ALCAM: variants seen among roughly 807,000 people sequenced by gnomAD.
The protein encoded by ALCAM is CD166 antigen.
A neutral mutation model predicts 70.9 loss-of-function variants in ALCAM; 30 were observed. The observed-to-expected ratio is 0.42, with a 90% CI of 0.32 to 0.57. The LOEUF (loss-of-function observed/expected upper bound fraction) is 0.57, where lower values mean the gene tolerates loss of function less well. Ranked by LOEUF, ALCAM falls within the 20% of genes least tolerant of loss-of-function variation. The pLI, the probability that ALCAM is intolerant of heterozygous loss-of-function variation, is 0.11. For missense variants in ALCAM, 591 were observed against 695.1 expected (o/e 0.85, Z 1.68); for synonymous variants, 249 against 242.5 (o/e 1.03, Z -0.25).
At chr3:105,455,759 C>T (rs770835029) in intron 1 of ALCAM, among the ~76,000 whole-genome samples, 52 of 152,314 alleles carry the variant, frequency 3.4e-4, no homozygotes, top group Non-Finnish European at 5.7e-4. Flanking sequence ...GAAGTTACTA[C>T]CCTTTTCCGG....
At chr3:105,402,465 G>A (rs1936112335) in intron 1 of ALCAM, among the ~76,000 whole-genome samples, 1 of 152,156 alleles carries the variant, frequency 6.6e-6, no homozygotes, top group Non-Finnish European at 1.5e-5. Flanking sequence ...CTTTCTCAAT[G>A]GGGAGTCTCG....
At chr3:105,486,986 G>A (rs1001787666) in intron 1 of ALCAM, among the ~76,000 whole-genome samples, 37 of 51,030 alleles carry the variant, frequency 7.3e-4, no homozygotes, top group African/African-American at 3.3e-3. Context: ...TTATTTAGAC[G>A]CTTTGCTAGG....
At chr3:105,452,760 C>T (rs2152592121) in intron 1 of ALCAM, among the ~76,000 whole-genome samples, 1 of 152,256 alleles carries the variant, frequency 6.6e-6, no homozygotes, top group South Asian at 2.1e-4. Context: ...TTAATAATTG[C>T]CATTCTGACT....
intron 1 of ALCAM, among the ~76,000 whole-genome samples, chr3:105,390,469 C>G (rs1389285575): frequency 1.3e-5 from 2 of 151,522 alleles, no homozygotes; most frequent in Admixed American, 6.6e-5. Flanking sequence ...TTGTAAATTT[C>G]TTTAAGTTCC....
At chr3:105,519,328 A>C (rs1939469382) in intron 1 of ALCAM, among the ~76,000 whole-genome samples, 2 of 152,014 alleles carry the variant, frequency 1.3e-5, no homozygotes, top group Non-Finnish European at 2.9e-5. Flanking sequence ...TTTTCTTAAT[A>C]TAGAATTAAA....
chr3:105,403,521 C>G (rs1936144866), intron 1 of ALCAM, among the ~76,000 whole-genome samples: 1 of 152,040 alleles, frequency 6.6e-6, no homozygotes, highest in Non-Finnish European at 1.5e-5. Context: ...AGCCCCACTC[C>G]TAGGAGAAGG....
rs555553708 is a variant in ALCAM, at chr3:105,382,686, G to A, written c.73+15205G>A. 3.9e-5 allele frequency among the ~76,000 whole-genome samples: 6 copies of A among 151,996 alleles called. No individual in the cohort carries two copies. The East Asian group carries it at 1.2e-3, about 29-fold the overall frequency. ...GGTTTTGATTTGCATTTCTCTGATG[G>A]CCAGTGATGATGAGCATTTTTTCAT... On this transcript the variant is annotated intron_variant, in intron 1 of 15. Coordinates refer to ENST00000306107, the MANE Select transcript of ALCAM (RefSeq NM_001627.4).
intron 1 of ALCAM, among the ~76,000 whole-genome samples, chr3:105,442,043 A>G (rs1408184130): frequency 6.6e-6 from 1 of 152,224 alleles, no homozygotes; most frequent in African/African-American, 2.4e-5. Flanking sequence ...TATTTAATGC[A>G]CACCACTACA....
chr3:105,459,768 C>T (rs1937578749), intron 1 of ALCAM, among the ~76,000 whole-genome samples: 1 of 152,016 alleles, frequency 6.6e-6, no homozygotes, highest in African/African-American at 2.4e-5. Flanking sequence ...GACATCATTG[C>T]TGTGTGATTA....
chr3:105,548,839 A>G (rs1357353761), intron 11 of ALCAM, among the ~76,000 whole-genome samples: 1 of 151,472 alleles, frequency 6.6e-6, no homozygotes, highest in Non-Finnish European at 1.5e-5. Flanking sequence ...AGCATCAAAA[A>G]TGGTGGTTTC....
chr3:105,550,338 T>C, intron 12 of ALCAM, 79 bp downstream of exon 12: 1 of 1,385,794 alleles, frequency 7.2e-7, no homozygotes. Context: ...TTCAATTCCA[T>C]CTTCCTGTAC....
chr3:105,469,533 C>A (rs1937859589), intron 1 of ALCAM, among the ~76,000 whole-genome samples: 1 of 151,068 alleles, frequency 6.6e-6, no homozygotes, highest in Non-Finnish European at 1.5e-5. Context: ...AAAGTCAAAA[C>A]CTAGAAAATG....
At chr3:105,460,365 T>C (rs1937586512) in intron 1 of ALCAM, among the ~76,000 whole-genome samples, 1 of 152,092 alleles carries the variant, frequency 6.6e-6, no homozygotes, top group Admixed American at 6.6e-5. Context: ...GAAATGCTGC[T>C]TGTCTTGAGG....
chr3:105,376,424 G>T (rs1935380030), intron 1 of ALCAM, among the ~76,000 whole-genome samples: 2 of 152,158 alleles, frequency 1.3e-5, no homozygotes, highest in Admixed American at 6.6e-5. Context: ...CTTGACTAAG[G>T]TCACATTGTT....
intron 9 of ALCAM, among the ~76,000 whole-genome samples, chr3:105,545,755 G>A (rs776805070): frequency 1.3e-5 from 2 of 151,376 alleles, no homozygotes; most frequent in Non-Finnish European, 3.0e-5. Flanking sequence ...AGAAATTGAA[G>A]GGAAATAAAT....
chr3:105,397,125 G>C (rs1935974883), intron 1 of ALCAM, among the ~76,000 whole-genome samples: 1 of 151,996 alleles, frequency 6.6e-6, no homozygotes, highest in African/African-American at 2.4e-5. Flanking sequence ...TCCTGAAATT[G>C]TGCTTTGTGA....
intron 14 of ALCAM, among the ~76,000 whole-genome samples, chr3:105,556,694 G>A (rs930277734): frequency 1.3e-5 from 2 of 151,832 alleles, no homozygotes; most frequent in African/African-American, 4.8e-5. Context: ...TCCTGTTGGT[G>A]TCTCTTAATA....
At chr3:105,451,107 G>C (rs1320291681) in intron 1 of ALCAM, among the ~76,000 whole-genome samples, 1 of 151,322 alleles carries the variant, frequency 6.6e-6, no homozygotes, top group East Asian at 1.9e-4. Flanking sequence ...ACAAAATAAA[G>C]GAAAAAAAAA....
chr3:105,541,850 G>A, intron 8 of ALCAM, 85 bp downstream of exon 8: 7 of 1,479,830 alleles, frequency 4.7e-6, no homozygotes, highest in South Asian at 2.4e-5. Context: ...TAAACTGCAC[G>A]TATATCTTTC....
Sources: allele counts gnomAD v4.1 joint callset (sites outside exome capture counted in the v4.1 genomes callset), GRCh38; gene constraint gnomAD v4.1.1; transcripts MANE v1.5; gene names NCBI Gene and HGNC (gene_info 2026-07-23, HGNC 2026-07-21).